The following TMEM255A variants were observed in gnomAD, a reference collection of about 807,000 sequenced individuals.
TMEM255A encodes the protein family with sequence similarity 70, member A.
Under a neutral mutation model 23.5 loss-of-function variants are expected in TMEM255A, and 14 were observed. The ratio of observed to expected loss-of-function variants is 0.60; its 90% CI spans 0.39 to 0.93. The LOEUF (loss-of-function observed/expected upper bound fraction) is 0.93, where lower values mean the gene tolerates loss of function less well. Ranked by LOEUF, TMEM255A falls within the 40% of genes least tolerant of loss-of-function variation. The pLI is 0.00. For synonymous variants in TMEM255A, 104 were observed against 100.3 expected (o/e 1.04, Z -0.22); for missense variants, 233 against 261.7 (o/e 0.89, Z 0.76).
At chrX:120,270,641 T>C (rs1379034253) in intron 7 of TMEM255A, among the ~76,000 whole-genome samples, 2 of 111,723 alleles carry the variant, frequency 1.8e-5, no homozygotes, top group Non-Finnish European at 3.8e-5. Context: ...CAAACATTTC[T>C]TTAAGATCTT....
At chrX:120,306,105 A>G (rs1297585987) in intron 1 of TMEM255A, among the ~76,000 whole-genome samples, 2 of 111,724 alleles carry the variant, frequency 1.8e-5, no homozygotes, top group Admixed American at 1.9e-4. Context: ...GAGTTGGCAA[A>G]TGAGACTCAT....
At chrX:120,310,736 C>G (rs1414759886) in intron 1 of TMEM255A, among the ~76,000 whole-genome samples, 1 of 72,624 alleles carries the variant, frequency 1.4e-5, no homozygotes, top group African/African-American at 5.0e-5. Context: ...CCCGCCCCCC[C>G]CCCCCAATCA....
chrX:120,269,298 C>G (rs1556018242), intron 7 of TMEM255A, among the ~76,000 whole-genome samples: 1 of 111,787 alleles, frequency 8.9e-6, no homozygotes. Context: ...CTCATTAGTT[C>G]CCAAGTAGGA....
chrX:120,284,011 C>A (rs1556021309), intron 6 of TMEM255A, among the ~76,000 whole-genome samples: 2 of 111,632 alleles, frequency 1.8e-5, no homozygotes, highest in African/African-American at 6.5e-5. Context: ...TCCTTCCCAC[C>A]TCTGTCTTCT....
the TMEM255A span, among the ~76,000 whole-genome samples, chrX:120,252,493 T>A: frequency 8.9e-6 from 1 of 111,984 alleles, no homozygotes. Flanking sequence ...TCTAGAGTAG[T>A]CTATTCCAAT....
At chrX:120,275,402 C>T (rs1446265169) in intron 7 of TMEM255A, among the ~76,000 whole-genome samples, 1 of 112,020 alleles carries the variant, frequency 8.9e-6, no homozygotes, top group East Asian at 2.8e-4. Flanking sequence ...TGGAGACTTG[C>T]AATCCAAAAC....
chrX:120,262,588 G>A (rs1021291089), intron 8 of TMEM255A, among the ~76,000 whole-genome samples: 4 of 111,025 alleles, frequency 3.6e-5, no homozygotes, highest in Admixed American at 9.5e-5. Flanking sequence ...TAAAAACATC[G>A]GTATAGTGAT....
At chrX:120,296,537 G>A (rs1556024117) in intron 2 of TMEM255A, among the ~76,000 whole-genome samples, 1 of 94,743 alleles carries the variant, frequency 1.1e-5, no homozygotes, top group African/African-American at 3.9e-5. Flanking sequence ...GGTCTAGTAA[G>A]GGAGAGACAG....
chrX:120,276,942 A>T lies in TMEM255A; in HGVS notation c.618T>A (p.Ile206=), dbSNP rs781951439. The part of the protein sequence containing the change: ...HLLWSATILN[I]VGLFLGIITA... Reference sequence around the variant, plus strand: ...TGATGATGCCCAGGAACAGGCCAACAATGTTGAGGATGGTGGCAGACCAGA... The same window carrying T: ...TGATGATGCCCAGGAACAGGCCAACTATGTTGAGGATGGTGGCAGACCAGA... The change falls in exon 7 of 9, where the codon ATT becomes ATA. Residue 206 remains isoleucine, a synonymous_variant. Coordinates refer to ENST00000371369, the MANE Select transcript of TMEM255A (RefSeq NM_001104544.3). The T allele has an allele frequency of 1.7e-6, 2 of 1,211,616 alleles. No individual in the cohort carries two copies. The highest frequency in any genetic ancestry group is 4.3e-5 in the Admixed American group (2 of 46,067).
At chrX:120,306,224 G>C (rs1478826200) in intron 1 of TMEM255A, among the ~76,000 whole-genome samples, 1 of 110,949 alleles carries the variant, frequency 9.0e-6, no homozygotes, top group Non-Finnish European at 1.9e-5. Flanking sequence ...GGATGCAAAT[G>C]GGAGCTGACT....
chrX:120,296,862 A>ATAATATTATAT (rs1268446716), intron 2 of TMEM255A, among the ~76,000 whole-genome samples: 1 of 1,773 alleles, frequency 5.6e-4, no homozygotes, highest in Non-Finnish European at 8.6e-4. Context: ...TATAATATAT[A>ATAATATTATAT]ATATATTATA....
At chrX:120,275,784 ATTTTTT>A (rs11342181) in intron 7 of TMEM255A, among the ~76,000 whole-genome samples, 1 of 60,247 alleles carries the variant, frequency 1.7e-5, no homozygotes, top group East Asian at 7.9e-4. Context: ...GAGCCCAAGC[ATTTTTT>A]TTTTTTTTTT....
At chrX:120,296,961 A>C (rs1459398151) in intron 2 of TMEM255A, among the ~76,000 whole-genome samples, 1 of 2,063 alleles carries the variant, frequency 4.8e-4, no homozygotes, top group African/African-American at 6.3e-3. Flanking sequence ...TATTATATAT[A>C]ATATATAATA....
chrX:120,286,843 G>A (rs1264347657), intron 5 of TMEM255A, among the ~76,000 whole-genome samples: 1 of 111,464 alleles, frequency 9.0e-6, no homozygotes, highest in Non-Finnish European at 1.9e-5. Context: ...AGATGGGGGA[G>A]GGTCATGTCC....
At chrX:120,295,258 G>A (rs1556023814) in intron 2 of TMEM255A, among the ~76,000 whole-genome samples, 1 of 111,425 alleles carries the variant, frequency 9.0e-6, no homozygotes, top group African/African-American at 3.3e-5. Flanking sequence ...TAATGGTCTG[G>A]GTTTCCATCT....
At position 120,261,037 on chromosome X, in the gene TMEM255A, TA is replaced by T; in HGVS notation, c.820-10del. 2 of 1,185,769 alleles carry T rather than the reference TA, an allele frequency of 1.7e-6. No homozygotes were observed. Among genetic ancestry groups the T allele is most frequent in the Non-Finnish European group, 2.3e-6 (2 of 886,824 alleles). On this transcript the variant is annotated splice_polypyrimidine_tract_variant and intron_variant, in intron 8 of 8. Transcript: ENST00000371369. The stretch of plus-strand genomic sequence containing the variant: ...GGAAAGACACCGGAATGCTGTGTGA[TA>T]AAAAGAAAACGTTAGTTTAGGCAGT...
intron 1 of TMEM255A, among the ~76,000 whole-genome samples, chrX:120,307,758 G>A (rs1428885058): frequency 8.9e-6 from 1 of 111,985 alleles, no homozygotes; most frequent in African/African-American, 3.3e-5. Context: ...TTGGCACCCA[G>A]TATATTTCTG....
chrX:120,294,225 G>A (rs956189404), intron 2 of TMEM255A, among the ~76,000 whole-genome samples, 174 bp from the exon 3 acceptor site: 1 of 110,067 alleles, frequency 9.1e-6, no homozygotes, highest in African/African-American at 3.3e-5. Context: ...ACGAGGTCAG[G>A]AGATCGAGAC....
At chrX:120,254,799 GA>G (rs781859968), downstream of TMEM255A, 1 of 1,211,876 alleles carries the variant, frequency 8.3e-7, no homozygotes, top group Non-Finnish European at 1.1e-6. Context: ...ACTTGAGAAT[GA>G]AATACCAAAA....
Sources: gnomAD v4.1 joint callset for allele counts (sites outside exome capture counted in the v4.1 genomes callset) on GRCh38, gnomAD v4.1.1 for gene constraint, MANE v1.5 for transcripts, NCBI Gene and HGNC (gene_info 2026-07-23, HGNC 2026-07-21) for gene names.